ANKAR: variants seen among roughly 807,000 people sequenced by gnomAD.
ANKAR encodes ankyrin and armadillo repeat-containing protein.
ANKAR carries 136 observed loss-of-function variants against 146.2 expected under a neutral mutation model. The observed-to-expected ratio is 0.93, with a 90% CI of 0.81 to 1.07. ANKAR has a LOEUF of 1.07. Ranked by LOEUF, ANKAR falls within the 50% of genes least tolerant of loss-of-function variation. The pLI is 0.00. For missense variants in ANKAR, 1,567 were observed against 1,679.9 expected (o/e 0.93, Z 1.18); for synonymous variants, 500 against 575.8 (o/e 0.87, Z 1.88).
chr2:189,761,317 G>A, downstream of ANKAR: 1 of 1,251,928 alleles, frequency 8.0e-7, no homozygotes, highest in Non-Finnish European at 1.1e-6. Context: ...TTGCAAAAAG[G>A]AATAAGACAG....
chr2:189,727,403 T>G (rs2041989931), intron 12 of ANKAR, among the ~76,000 whole-genome samples: 1 of 151,400 alleles, frequency 6.6e-6, no homozygotes, highest in African/African-American at 2.4e-5. Context: ...GGTGTGGTGG[T>G]GCACACCTGT....
Position 189,732,147 on chromosome 2 carries a change from A to T in ANKAR, c.3301-960A>T, listed in dbSNP as rs2042461898. On this transcript the variant is annotated intron_variant, in intron 16 of 22. Coordinates refer to ENST00000684021, the MANE Select transcript of ANKAR (RefSeq NM_001378068.1). ...CAAAAGATTCTATAATGGATAAAAC[A>T]TTTTGCAATAATTCAATAATCATAC... Among the ~76,000 whole-genome samples, 3 of 152,258 alleles carry T rather than the reference A, an allele frequency of 2.0e-5. No individual in the cohort carries two copies. In the South Asian group the frequency reaches 6.2e-4, roughly 31 times the overall value.
chr2:189,707,476 G>T (rs1347389770), intron 9 of ANKAR, among the ~76,000 whole-genome samples: 1 of 71,480 alleles, frequency 1.4e-5, no homozygotes, highest in Non-Finnish European at 3.0e-5. Flanking sequence ...AAAAAAAAAA[G>T]GAAAGAGGAA....
At position 189,738,557 on chromosome 2, in the gene ANKAR, G is replaced by A; in HGVS notation, c.3583-8G>A. ...TTCAAAGACTCTCTGCTTCTTTTCT[G>A]TTTTCAGATTGTTGTACTGGCTAAA... On this transcript the variant is annotated splice_region_variant and splice_polypyrimidine_tract_variant and intron_variant, in intron 18 of 22. Coordinates refer to ENST00000684021, the MANE Select transcript of ANKAR (RefSeq NM_001378068.1). 3 of 1,521,684 alleles carry A rather than the reference G, an allele frequency of 2.0e-6. No homozygotes were observed. Among genetic ancestry groups the A allele is most frequent in the Non-Finnish European group, 2.7e-6 (3 of 1,111,896 alleles). 94.3% of individuals were successfully genotyped at this position (1,521,684 alleles called of 1,614,324 possible).
At chr2:189,738,440 C>T (rs2043041003) in intron 18 of ANKAR, 125 bp from the exon 19 acceptor site, 10 of 624,494 alleles carry the variant, frequency 1.6e-5, no homozygotes, top group Non-Finnish European at 2.2e-5. Flanking sequence ...CTATTGAATC[C>T]TCTAAACACT....
intron 2 of ANKAR, among the ~76,000 whole-genome samples, chr2:189,686,986 C>T (rs1316779116): frequency 6.6e-6 from 1 of 152,098 alleles, no homozygotes; most frequent in Non-Finnish European, 1.5e-5. Context: ...TCCAATTATA[C>T]TCTTTTAGTG....
At chr2:189,746,709 A>G (rs2044211666), downstream of ANKAR, 5 of 1,337,614 alleles carry the variant, frequency 3.7e-6, no homozygotes, top group East Asian at 2.6e-5. Flanking sequence ...TGCAAATAAC[A>G]TAACTGAATA....
rs2041134270 is a variant in ANKAR at position 189,720,622 on chromosome 2, G to T, written c.2470G>T (p.Gly824Ter). 2 of 1,340,392 alleles carry T rather than the reference G, an allele frequency of 1.5e-6. No individual in the cohort carries two copies. Among genetic ancestry groups the T allele is most frequent in the Non-Finnish European group, 1.9e-6 (2 of 1,033,650 alleles). 83.0% of individuals were successfully genotyped at this position (1,340,392 alleles called of 1,614,324 possible). The change falls in exon 12 of 23, where the codon GGA becomes TGA. Residue 824 changes from glycine (G) to a stop codon, truncating the protein, a stop_gained. Coordinates refer to ENST00000684021, the MANE Select transcript of ANKAR (RefSeq NM_001378068.1). LOFTEE classifies it high-confidence loss of function. ...AATTTTTTTTGTTTATTTTTAGAAT[G>T]GAATCCCAAGCCTGATAAATCTATT... ...ENKDVIAKYN[G>*]IPSLINLLNL...
chr2:189,698,024 TTAGGAAACTGCTGTA>T (rs2037492773), intron 7 of ANKAR, among the ~76,000 whole-genome samples: 1 of 152,124 alleles, frequency 6.6e-6, no homozygotes, highest in South Asian at 2.1e-4. Flanking sequence ...CTTGAACAAC[TTAGGAAACTGCTGTA>T]TATTAATGAT....
intron 19 of ANKAR, among the ~76,000 whole-genome samples, chr2:189,740,577 C>T (rs1227912535): frequency 6.6e-6 from 1 of 152,082 alleles, no homozygotes; most frequent in East Asian, 1.9e-4. Flanking sequence ...AATCTGAAAA[C>T]ATTTACTTTT....
At chr2:189,719,451 A>G in intron 10 of ANKAR, 121 bp from the exon 11 acceptor site, 1 of 727,704 alleles carries the variant, frequency 1.4e-6, no homozygotes, top group Non-Finnish European at 1.9e-6. Context: ...TTATAGAATT[A>G]TTTCATAATT....
chr2:189,737,638 A>G (rs781465485), intron 17 of ANKAR, 45 bp from the exon 18 acceptor site: 1 of 1,537,290 alleles, frequency 6.5e-7, no homozygotes, highest in Admixed American at 2.3e-5. Flanking sequence ...GTTGAGTAAC[A>G]TGATAAATGA....
At chr2:189,732,438 G>C (rs1457376188) in intron 16 of ANKAR, among the ~76,000 whole-genome samples, 3 of 152,068 alleles carry the variant, frequency 2.0e-5, no homozygotes, top group Non-Finnish European at 4.4e-5. Flanking sequence ...AAAGCAGGCG[G>C]ATCATGAGGT....
chr2:189,701,922 C>T (rs2038121476), intron 7 of ANKAR, among the ~76,000 whole-genome samples: 1 of 151,998 alleles, frequency 6.6e-6, no homozygotes, highest in South Asian at 2.1e-4. Flanking sequence ...ATTAAATAGG[C>T]CTTTAATAAT....
intron 22 of ANKAR, among the ~76,000 whole-genome samples, chr2:189,745,015 C>G (rs372616295): frequency 1.4e-4 from 10 of 71,782 alleles, no homozygotes; most frequent in African/African-American, 3.4e-4. Context: ...ACTACTACTA[C>G]TACTACTACT....
At position 189,719,445 on chromosome 2, in the gene ANKAR, A is replaced by G. The variant is rs1334290878; in HGVS notation, c.2225-127A>G. 16 of 703,486 alleles carry G rather than the reference A, an allele frequency of 2.3e-5. No individual in the cohort carries two copies. In the East Asian group the frequency reaches 6.0e-4, roughly 26 times the overall value. The allele number at this position is 703,486 out of a possible 1,614,324, so 43.6% of individuals were successfully genotyped here. A position where few individuals can be genotyped will look rare whatever the true frequency, so the allele number is the denominator to read the frequency against. ...AATGATAATTTTATAAATATTTTAT[A>G]GAATTATTTCATAATTATTTATATT... On this transcript the variant is annotated intron_variant, in intron 10 of 22. Coordinates refer to ENST00000684021, the MANE Select transcript of ANKAR (RefSeq NM_001378068.1).
rs1337422184 is a variant in ANKAR, at chr2:189,719,626, G to A, written c.2279G>A (p.Cys760Tyr). 1.9e-6 allele frequency: 3 copies of A among 1,613,822 alleles called. No individual in the cohort carries two copies. Among genetic ancestry groups the A allele is most frequent in the Admixed American group, 3.3e-5 (2 of 60,014 alleles). The change falls in exon 11 of 23, where the codon TGC becomes TAC. Residue 760 changes from cysteine (C) to tyrosine (Y), a missense_variant. Cys to Tyr is a radical substitution (Grantham distance 194). Transcript: ENST00000684021. The part of the protein sequence containing the change: ...LLKSSKIKLQ[C>Y]KTVGLLSNIS... ...AAAAGTTCCAAAATAAAACTGCAGT[G>A]CAAAACTGTTGGGTTATTGAGTAAT... is the stretch of plus-strand genomic sequence containing the variant.
At chr2:189,687,259 T>G (rs1403862764) in intron 2 of ANKAR, among the ~76,000 whole-genome samples, 4 of 152,148 alleles carry the variant, frequency 2.6e-5, no homozygotes, top group African/African-American at 9.7e-5. Flanking sequence ...TCATTTAACA[T>G]AATGTCCTCC....
chr2:189,678,386 G>A (rs1329258211), intron 2 of ANKAR, among the ~76,000 whole-genome samples: 1 of 152,022 alleles, frequency 6.6e-6, no homozygotes, highest in Non-Finnish European at 1.5e-5. Context: ...CCTACTCTGT[G>A]GGTTGTCTGT....
Sources: gnomAD v4.1 joint callset for allele counts (sites outside exome capture counted in the v4.1 genomes callset) on GRCh38, gnomAD v4.1.1 for gene constraint, MANE v1.5 for transcripts, NCBI Gene and HGNC (gene_info 2026-07-23, HGNC 2026-07-21) for gene names.